SYNPR: variants seen among roughly 807,000 people sequenced by gnomAD.
SYNPR encodes synaptoporin.
Under a neutral mutation model 32.9 loss-of-function variants are expected in SYNPR, and 23 were observed. The ratio of observed to expected loss-of-function variants is 0.70; its 90% CI spans 0.50 to 0.99. The LOEUF is 0.99. SYNPR is among the 50% of genes least tolerant of loss of function. The probability of loss-of-function intolerance (pLI) is 0.00; values close to 1 mark genes in which losing one functional copy is unlikely to be tolerated. For synonymous variants in SYNPR, 146 were observed against 135.9 expected, an observed-to-expected ratio of 1.07 and a Z score of -0.52; for missense variants, 318 against 349.3, an observed-to-expected ratio of 0.91 and a Z score of 0.71.
chr3:63,351,484 AG>A (rs1228336286), intron 2 of SYNPR: 4 of 152,188 alleles, frequency 2.6e-5, no homozygotes, highest in Admixed American at 1.3e-4. Flanking sequence ...AATTTAGGCC[AG>A]GTTTTCCTTA....
chr3:63,534,893 T>C (rs1361908663), intron 3 of SYNPR, among the ~76,000 whole-genome samples: 2 of 152,106 alleles, frequency 1.3e-5, no homozygotes, highest in Non-Finnish European at 2.9e-5. Context: ...ATGAGTAATC[T>C]ATTCATAAGG....
chr3:63,304,843 G>A (rs950116246), intron 2 of SYNPR, among the ~76,000 whole-genome samples: 3 of 151,518 alleles, frequency 2.0e-5, no homozygotes, highest in Admixed American at 6.6e-5. Context: ...TACATTACAC[G>A]ACAATGAGAC....
At chr3:63,232,600 T>C (rs1255788531) in intron 1 of SYNPR, among the ~76,000 whole-genome samples, 1 of 152,208 alleles carries the variant, frequency 6.6e-6, no homozygotes, top group Non-Finnish European at 1.5e-5. Flanking sequence ...GTTTTTAGGA[T>C]GGCTTGTAGG....
chr3:63,472,975 C>T (rs754382853), intron 2 of SYNPR, among the ~76,000 whole-genome samples: 8 of 152,220 alleles, frequency 5.3e-5, no homozygotes, highest in Admixed American at 1.3e-4. Context: ...GATATGGCCA[C>T]GGGCTGTCGT....
At chr3:63,282,698 AAAAAG>A (rs1441788012) in intron 2 of SYNPR, among the ~76,000 whole-genome samples, 7 of 151,846 alleles carry the variant, frequency 4.6e-5, no homozygotes, top group Non-Finnish European at 1.5e-5. Flanking sequence ...AAAAAAAAAA[AAAAAG>A]AATGAATTCA....
intron 2 of SYNPR, among the ~76,000 whole-genome samples, chr3:63,407,065 G>T (rs2088370291): frequency 6.6e-6 from 1 of 152,156 alleles, no homozygotes; most frequent in Non-Finnish European, 1.5e-5. Context: ...TATCTAACAG[G>T]TAACAAATTA....
chr3:63,484,894 T>G lies in SYNPR; in HGVS notation c.209+3938T>G, dbSNP rs192752663. 4.8e-3 allele frequency among the ~76,000 whole-genome samples: 731 copies of G among 152,270 alleles called. 8 individuals carry two copies. Among genetic ancestry groups the G allele is most frequent in the African/African-American group, 0.016 (653 of 41,572 alleles). On this transcript the variant is annotated intron_variant, in intron 3 of 5. Coordinates refer to ENST00000478300, the MANE Select transcript of SYNPR (RefSeq NM_001130003.2). ...AAGTGATAAAGTTAGAAAGGCCACT[T>G]TTTTCCCTGATTATAGAAGACCTTG...
chr3:63,368,019 GT>G (rs1389641963), intron 2 of SYNPR, among the ~76,000 whole-genome samples: 4 of 152,266 alleles, frequency 2.6e-5, no homozygotes, highest in Non-Finnish European at 4.4e-5. Context: ...CAATCTCAGT[GT>G]GATAAAAACT....
chr3:63,593,818 G>A (rs1699881968), intron 4 of SYNPR, among the ~76,000 whole-genome samples: 1 of 152,098 alleles, frequency 6.6e-6, no homozygotes, highest in South Asian at 2.1e-4. Context: ...GTATCTTGCA[G>A]TTCTTACATG....
intron 2 of SYNPR, among the ~76,000 whole-genome samples, chr3:63,289,963 T>C (rs1456170190): frequency 6.6e-6 from 1 of 151,854 alleles, no homozygotes; most frequent in Non-Finnish European, 1.5e-5. Context: ...ACCCCCTCTC[T>C]ACTAAAAATA....
At position 63,265,700 on chromosome 3, in the gene SYNPR, A is replaced by T. The variant is rs530816272; in HGVS notation, n.155-1617A>T. Among the ~76,000 whole-genome samples the T allele has an allele frequency of 2.6e-4, 40 of 152,368 alleles. No individual in the cohort carries two copies. The South Asian group carries it at 8.1e-3, about 31-fold the overall frequency. On this transcript the variant is annotated intron_variant and non_coding_transcript_variant, in intron 2 of 4. Coordinates refer to the SYNPR transcript ENST00000478456. ...AGTAATAAAAATATATGCTTTCATA[A>T]TGTTCCATACACTAGAATGTAGGAA...
At chr3:63,564,236 AG>A (rs1559537854) in intron 4 of SYNPR, among the ~76,000 whole-genome samples, 2 of 145,748 alleles carry the variant, frequency 1.4e-5, no homozygotes. Context: ...TCTGTCATCC[AG>A]CCTGGAGTGC....
chr3:63,477,493 G>A (rs1205764115), intron 2 of SYNPR, among the ~76,000 whole-genome samples: 2 of 152,190 alleles, frequency 1.3e-5, no homozygotes, highest in Non-Finnish European at 2.9e-5. Flanking sequence ...ATGTGAGGCA[G>A]GGAGCTAGAA....
At chr3:63,364,843 C>G (rs1409778908) in intron 2 of SYNPR, among the ~76,000 whole-genome samples, 1 of 151,860 alleles carries the variant, frequency 6.6e-6, no homozygotes, top group Non-Finnish European at 1.5e-5. Context: ...GGGATGTGCT[C>G]TATGTTAAAG....
At chr3:63,585,457 C>CA (rs67967375) in intron 4 of SYNPR, among the ~76,000 whole-genome samples, 25 of 81,748 alleles carry the variant, frequency 3.1e-4, no homozygotes, top group Middle Eastern at 5.3e-3. Flanking sequence ...ATGCCCCCCC[C>CA]CTCCGCCCCG....
At chr3:63,594,660 A>G (rs905186489) in intron 4 of SYNPR, among the ~76,000 whole-genome samples, 9 of 152,142 alleles carry the variant, frequency 5.9e-5, no homozygotes, top group Non-Finnish European at 1.2e-4. Flanking sequence ...TAGGAAATTA[A>G]AGAAGCAAAT....
the SYNPR span, among the ~76,000 whole-genome samples, chr3:63,220,774 C>A: frequency 6.6e-6 from 1 of 152,210 alleles, no homozygotes; most frequent in Non-Finnish European, 1.5e-5. Flanking sequence ...AATTTCAGCT[C>A]TGCAGGTCCC....
intron 2 of SYNPR, among the ~76,000 whole-genome samples, chr3:63,255,177 C>CG (rs1271032682): frequency 4.0e-5 from 6 of 151,828 alleles, no homozygotes; most frequent in African/African-American, 1.4e-4. Context: ...CCTGGGGAGG[C>CG]GGTCAAATAA....
At chr3:63,227,460 C>T (rs1490696657), upstream of SYNPR, among the ~76,000 whole-genome samples, 1 of 152,060 alleles carries the variant, frequency 6.6e-6, no homozygotes, top group Admixed American at 6.6e-5. Context: ...TTACTGTTGG[C>T]GATTTGAAAC....
Sources: allele counts gnomAD v4.1 joint callset (sites outside exome capture counted in the v4.1 genomes callset), GRCh38; gene constraint gnomAD v4.1.1; transcripts MANE v1.5; gene names NCBI Gene and HGNC (gene_info 2026-07-23, HGNC 2026-07-21).